ELF4: variants seen among roughly 807,000 people sequenced by gnomAD.
ELF4 encodes the protein ETS-related transcription factor Elf-4.
A neutral mutation model predicts 31.7 loss-of-function variants in ELF4; 10 were observed. That is an observed-to-expected ratio of 0.32 (90% CI 0.19 to 0.54). The LOEUF (loss-of-function observed/expected upper bound fraction) is 0.54, where lower values mean the gene tolerates loss of function less well. ELF4 is among the 20% of genes least tolerant of loss of function. The probability of loss-of-function intolerance (pLI) is 0.95; values close to 1 mark genes in which losing one functional copy is unlikely to be tolerated. For missense variants in ELF4, 418 were observed against 522.0 expected, an observed-to-expected ratio of 0.80 and a Z score of 1.94; for synonymous variants, 208 against 226.7, an observed-to-expected ratio of 0.92 and a Z score of 0.74.
chrX:130,069,275 C>T (rs1461523989), intron 8 of ELF4, 25 bp downstream of exon 8: 3 of 1,204,618 alleles, frequency 2.5e-6, no homozygotes, highest in Non-Finnish European at 2.2e-6. Flanking sequence ...TATGTGAAGA[C>T]TCATGCTGAC....
chrX:130,108,753 C>A (rs939160981), intron 1 of ELF4, among the ~76,000 whole-genome samples: 1 of 110,288 alleles, frequency 9.1e-6, no homozygotes, highest in African/African-American at 3.3e-5. Context: ...ACAAGCCACT[C>A]CTTCGGCTCA....
intron 1 of ELF4, among the ~76,000 whole-genome samples, chrX:130,094,577 A>AAGAG (rs201215451): frequency 5.2e-4 from 56 of 107,013 alleles, no homozygotes; most frequent in African/African-American, 1.8e-3. Flanking sequence ...AAAAAAAAAA[A>AAGAG]AGAGAGAGAG....
chrX:130,099,390 A>G (rs1167850589), intron 1 of ELF4, among the ~76,000 whole-genome samples: 2 of 111,300 alleles, frequency 1.8e-5, no homozygotes, highest in African/African-American at 6.5e-5. Context: ...CCTGGCTAAC[A>G]TGGTGAAACC....
Position 130,069,565 on chromosome X carries a change from C to T in ELF4, c.922G>A (p.Glu308Lys), listed in dbSNP as rs776215676. The change falls in exon 8 of 9, where the codon GAA becomes AAA. Residue 308 changes from glutamate (E) to lysine (K), a missense_variant. Glu to Lys is a moderately conservative substitution (Grantham distance 56). This residue lies in a region of ELF4 where 35 missense variants were observed against 84.0 expected (regional missense o/e 0.42). Coordinates refer to ENST00000308167, the MANE Select transcript of ELF4 (RefSeq NM_001421.4). ...VVIEDEDESS[E>K]ATAAPPQAST... ...GCCTGAGGTGGGGCTGCTGTGGCTT[C>T]GCTGCTCTCATCCTCATCTTCAATG... The T allele has an allele frequency of 9.1e-6, 11 of 1,210,763 alleles. No homozygotes were observed. The highest frequency in any genetic ancestry group is 3.0e-5 in the East Asian group (1 of 33,819).
rs1227604967 is a variant in ELF4 at position 130,067,319 on chromosome X, A to G, written c.1394T>C (p.Leu465Pro). Residue 465 changes from leucine (L) to proline (P), a missense_variant, in exon 9 of 9, where the codon CTG (leucine) becomes CCG (proline). Physicochemically the swap from Leu to Pro is moderately conservative, Grantham distance 98 (BLOSUM62 -3). Coordinates refer to ENST00000308167, the MANE Select transcript of ELF4 (RefSeq NM_001421.4). ...DTFTLQASFP[L>P]NASFQDSQVA... is the part of the protein sequence containing the mutation. ...CTGGCTGTCTTGGAAACTGGCGTTC[A>G]GGGGGAAAGAGGCCTGCAAAGTGAA... The G allele has an allele frequency of 8.3e-7, 1 of 1,210,759 alleles. No individual in the cohort carries two copies. The highest frequency in any genetic ancestry group is 1.7e-5 in the African/African-American group (1 of 57,399).
Position 130,074,038 on chromosome X carries a change from T to A in ELF4, c.340+11A>T. Reference sequence around the variant, plus strand: ...GTTGCCTTGAGTTCAGGCACTGGGGTTCAAACTTACAGATCTGCTTCTCAT... The same window carrying A: ...GTTGCCTTGAGTTCAGGCACTGGGGATCAAACTTACAGATCTGCTTCTCAT... On this transcript the variant is annotated intron_variant, in intron 4 of 8. Coordinates refer to ENST00000308167, the MANE Select transcript of ELF4 (RefSeq NM_001421.4). 8.3e-7 allele frequency: 1 copy of A among 1,209,473 alleles called. No individual in the cohort carries two copies. Among genetic ancestry groups the A allele is most frequent in the Non-Finnish European group, 1.1e-6 (1 of 893,637 alleles).
chrX:130,102,875 AGAGAGAGAG>A, intron 1 of ELF4, among the ~76,000 whole-genome samples: 9 of 67,564 alleles, frequency 1.3e-4, no homozygotes, highest in African/African-American at 4.5e-4. Flanking sequence ...AGAGAGAGAG[AGAGAGAGAG>A]AGAAAGAAAG....
Position 130,069,419 on chromosome X carries a change from G to C in ELF4, c.1068C>G (p.Val356=). The C allele has an allele frequency of 8.3e-7, 1 of 1,211,947 alleles. No individual in the cohort carries two copies. The part of the protein sequence containing the change: ...SSWEKPKIQH[V]GLQPSASLEL... ...CCAGACTCGCAGATGGCTGGAGACCGACATGCTGAATTTTTGGCTTCTCCC... is the reference window on the plus strand; with the variant it reads ...CCAGACTCGCAGATGGCTGGAGACCCACATGCTGAATTTTTGGCTTCTCCC... Residue 356 remains valine (V), a synonymous_variant, in exon 8 of 9, where the codon GTC becomes GTG. Transcript: ENST00000308167.
intron 1 of ELF4, among the ~76,000 whole-genome samples, chrX:130,085,284 G>A (rs1035638778): frequency 8.9e-6 from 1 of 111,976 alleles, no homozygotes; most frequent in Admixed American, 9.5e-5. Context: ...TGCCCTCTGA[G>A]TGTATGGACC....
Position 130,081,238 on chromosome X carries a change from T to G in ELF4, c.75+18A>C, listed in dbSNP as rs1932885300. The G allele has an allele frequency of 5.0e-6, 6 of 1,211,106 alleles. No homozygotes were observed. Among genetic ancestry groups the G allele is most frequent in the Non-Finnish European group, 6.7e-6 (6 of 894,657 alleles). ...TTGTCCACAGGGGCTAACTGTGCTC[T>G]GTTCTCTGGGGCCATACCTGGTGGA... On this transcript the variant is annotated intron_variant, in intron 2 of 8. Transcript: ENST00000308167.
intron 1 of ELF4, among the ~76,000 whole-genome samples, chrX:130,088,406 C>T (rs2124626324): frequency 9.0e-6 from 1 of 110,659 alleles, no homozygotes; most frequent in East Asian, 2.8e-4. Flanking sequence ...GCAGGGTGTT[C>T]TCGCTAAGAA....
chrX:130,083,396 C>T (rs962566967), intron 1 of ELF4, among the ~76,000 whole-genome samples: 23 of 106,671 alleles, frequency 2.2e-4, no homozygotes, highest in Admixed American at 9.1e-4. Context: ...GGCTTGCATT[C>T]CACAGCAGCT....
At chrX:130,110,913 G>T (rs1409274955), upstream of ELF4, among the ~76,000 whole-genome samples, 1 of 96,975 alleles carries the variant, frequency 1.0e-5, no homozygotes, top group Admixed American at 1.1e-4. Context: ...ACACGTCCCC[G>T]CAGGCGGCGG....
At position 130,067,351 on chromosome X, in the gene ELF4, C is replaced by T. The variant is rs774736695; in HGVS notation, c.1362G>A (p.Lys454=). The T allele has an allele frequency of 1.4e-5, 17 of 1,211,885 alleles. No homozygotes were observed. Among genetic ancestry groups the T allele is most frequent in the Non-Finnish European group, 1.9e-5 (17 of 895,497 alleles). ...AAGAGGCCTGCAAAGTGAAGGTGTC[C>T]TTGAAAGTAGAGGCCGCTGGAACAC... ...LQSVPAASTF[K]DTFTLQASFP... The change falls in exon 9 of 9, where the codon AAG becomes AAA. Residue 454 remains lysine (K), a synonymous_variant. Coordinates refer to ENST00000308167, the MANE Select transcript of ELF4 (RefSeq NM_001421.4).
chrX:130,101,756 G>A lies in ELF4; in HGVS notation c.-210+8569C>T, dbSNP rs180883513. Among the ~76,000 whole-genome samples the A allele has an allele frequency of 5.4e-4, 59 of 108,587 alleles. 1 individual carries two copies. Among genetic ancestry groups the A allele is most frequent in the East Asian group, 2.3e-3 (8 of 3,430 alleles). The allele number at this position is 108,587 out of a possible 115,157, so 94.3% of individuals were successfully genotyped here. A position where few individuals can be genotyped will look rare whatever the true frequency, so the allele number is the denominator to read the frequency against. On this transcript the variant is annotated intron_variant, in intron 1 of 8. Transcript: ENST00000308167. The stretch of plus-strand genomic sequence containing the variant: ...AGAGGTTGCAGTGAGCCGAGATCAC[G>A]CCATTGCACTCCAGCCTGGGCGACA...
At chrX:130,080,092 G>A (rs1369917887) in intron 2 of ELF4, among the ~76,000 whole-genome samples, 1 of 111,698 alleles carries the variant, frequency 9.0e-6, no homozygotes, top group Admixed American at 9.5e-5. Flanking sequence ...AATCCAGTTG[G>A]ATCGCCTCTT....
chrX:130,077,164 A>C (rs1374847557), intron 2 of ELF4, among the ~76,000 whole-genome samples: 1 of 112,014 alleles, frequency 8.9e-6, no homozygotes, highest in Non-Finnish European at 1.9e-5. Context: ...GAGGTAAATA[A>C]AAACTTTGGA....
chrX:130,068,080 G>T (rs1932731042), intron 8 of ELF4, among the ~76,000 whole-genome samples: 1 of 112,056 alleles, frequency 8.9e-6, no homozygotes, highest in Non-Finnish European at 1.9e-5. Context: ...CCAAAGTGCT[G>T]GGATTACAGG....
At chrX:130,073,604 T>TG (rs1569403134) in intron 4 of ELF4, among the ~76,000 whole-genome samples, 2 of 111,570 alleles carry the variant, frequency 1.8e-5, no homozygotes, top group African/African-American at 6.5e-5. Flanking sequence ...CTCTGCCTCC[T>TG]GGGTTCAAGT....
Sources: allele counts gnomAD v4.1 joint callset (sites outside exome capture counted in the v4.1 genomes callset), GRCh38; gene constraint gnomAD v4.1.1; regional missense constraint gnomAD v4.1.1; transcripts MANE v1.5; gene names NCBI Gene and HGNC (gene_info 2026-07-23, HGNC 2026-07-21).